ZSWIM6: variants seen among roughly 807,000 people sequenced by gnomAD.
ZSWIM6 encodes zinc finger SWIM-type containing 6.
Under a neutral mutation model 113.2 loss-of-function variants are expected in ZSWIM6, and 9 were observed. The ratio of observed to expected loss-of-function variants is 0.08; its 90% CI spans 0.05 to 0.14. ZSWIM6 has a LOEUF of 0.14. Ranked by LOEUF, ZSWIM6 falls within the 10% of genes least tolerant of loss-of-function variation. The pLI is 1.00. For synonymous variants in ZSWIM6, 611 were observed against 606.5 expected (o/e 1.01, Z -0.11); for missense variants, 1,162 against 1,552.2 (o/e 0.75, Z 4.22).
chr5:61,464,447 G>A (rs920464604), intron 1 of ZSWIM6, among the ~76,000 whole-genome samples: 5 of 151,954 alleles, frequency 3.3e-5, no homozygotes, highest in East Asian at 1.9e-4. Context: ...GTTCTACCAC[G>A]GCCTCTCCTA....
chr5:61,381,067 G>A (rs961852211), intron 1 of ZSWIM6, among the ~76,000 whole-genome samples: 1 of 151,554 alleles, frequency 6.6e-6, no homozygotes, highest in African/African-American at 2.4e-5. Flanking sequence ...TGGCCAACAC[G>A]TCGAAACCCT....
chr5:61,404,889 T>C lies in ZSWIM6; in HGVS notation c.677-67792T>C, dbSNP rs115828295. Among the ~76,000 whole-genome samples the C allele has an allele frequency of 2.1e-3, 316 of 152,338 alleles. 1 individual carries two copies. Among genetic ancestry groups the C allele is most frequent in the African/African-American group, 7.3e-3 (302 of 41,572 alleles). ...TCAGTCCTGAGAATCTGTGTATTTC[T>C]TGAGTTATGCAGGTAATTTTGATGC... On this transcript the variant is annotated intron_variant, in intron 1 of 13. Transcript: ENST00000252744.
At chr5:61,403,154 CAT>C (rs984875110) in intron 1 of ZSWIM6, among the ~76,000 whole-genome samples, 2 of 152,330 alleles carry the variant, frequency 1.3e-5, no homozygotes, top group East Asian at 1.9e-4. Flanking sequence ...ATTGAGGACA[CAT>C]GTCTTTGATA....
At chr5:61,454,483 T>C (rs1747157399) in intron 1 of ZSWIM6, among the ~76,000 whole-genome samples, 1 of 151,860 alleles carries the variant, frequency 6.6e-6, no homozygotes, top group South Asian at 2.1e-4. Flanking sequence ...CTTGAACTCC[T>C]GGGCTCAGGG....
At position 61,544,195 on chromosome 5, in the gene ZSWIM6, C is replaced by A. The variant is rs962224189; in HGVS notation, c.3526C>A (p.Arg1176=). The A allele has an allele frequency of 6.4e-7, 1 of 1,551,606 alleles. No individual in the cohort carries two copies. Among genetic ancestry groups the A allele is most frequent in the African/African-American group, 1.4e-5 (1 of 73,104 alleles). Residue 1176 remains arginine, a synonymous_variant, in exon 14 of 14, where the codon CGA becomes AGA. Coordinates refer to ENST00000252744, the MANE Select transcript of ZSWIM6 (RefSeq NM_020928.2). ...GTTTATAGAGTTCCTCAGCAAAGCC[C>A]GAGAGACCTTCTTAATGGCGCATGA... ...SEFIEFLSKA[R]ETFLMAHDGH... is the part of the protein sequence containing the mutation.
intron 1 of ZSWIM6, among the ~76,000 whole-genome samples, chr5:61,457,742 C>T (rs991526921): frequency 6.6e-6 from 1 of 152,006 alleles, no homozygotes. Flanking sequence ...AAGCTGGTCT[C>T]GAACTTCTGA....
chr5:61,436,787 T>C (rs1746716876), intron 1 of ZSWIM6, among the ~76,000 whole-genome samples: 1 of 152,190 alleles, frequency 6.6e-6, no homozygotes, highest in Non-Finnish European at 1.5e-5. Context: ...TGGTTCTTGC[T>C]CCTCAGAAAT....
chr5:61,544,423 G>T lies in ZSWIM6; in HGVS notation c.*106G>T. ...TAACTTAAAGAACAGAGCCACACCG[G>T]TATTATATGTGTATAGTTATATTGC... On this transcript the variant is annotated 3_prime_UTR_variant, in exon 14 of 14. Transcript: ENST00000252744. 1.4e-6 allele frequency: 1 copy of T among 713,070 alleles called. No individual in the cohort carries two copies. The highest frequency in any genetic ancestry group is 2.3e-6 in the Non-Finnish European group (1 of 434,060). The allele number at this position is 713,070 out of a possible 1,614,324, so 44.2% of individuals were successfully genotyped here.
chr5:61,461,740 T>G (rs964154855), intron 1 of ZSWIM6, among the ~76,000 whole-genome samples: 2 of 152,180 alleles, frequency 1.3e-5, no homozygotes, highest in African/African-American at 4.8e-5. Context: ...AAGCAGTTTT[T>G]TTTTCTTATA....
rs962960251 is a variant in ZSWIM6, at chr5:61,454,644, C to G, written c.677-18037C>G. Among the ~76,000 whole-genome samples the G allele has an allele frequency of 4.0e-5, 6 of 150,342 alleles. No individual in the cohort carries two copies. The South Asian group carries it at 6.3e-4, about 16-fold the overall frequency. On this transcript the variant is annotated intron_variant, in intron 1 of 13. Coordinates refer to ENST00000252744, the MANE Select transcript of ZSWIM6 (RefSeq NM_020928.2). ...AGCTGGAATGTGGAATGCAGTGGCG[C>G]GATCTTGGCTCACTGCAACCTCTGC...
At chr5:61,503,169 A>T (rs1318706337) in intron 4 of ZSWIM6, among the ~76,000 whole-genome samples, 1 of 152,176 alleles carries the variant, frequency 6.6e-6, no homozygotes, top group Non-Finnish European at 1.5e-5. Context: ...TATAAGAAAA[A>T]GACTCTGTAT....
At chr5:61,534,764 T>G (rs1749532339) in intron 9 of ZSWIM6, among the ~76,000 whole-genome samples, 1 of 152,176 alleles carries the variant, frequency 6.6e-6, no homozygotes, top group Non-Finnish European at 1.5e-5. Context: ...CTGTCAGAAT[T>G]TACTAAGAAA....
In ZSWIM6 at chr5:61,423,771, A is replaced by AATGG. The variant is rs1561231611; in HGVS notation, c.677-48908_677-48907insGGAT. Among the ~76,000 whole-genome samples the AATGG allele has an allele frequency of 5.3e-5, 8 of 152,334 alleles. No individual in the cohort carries two copies. The South Asian group carries it at 1.7e-3, about 32-fold the overall frequency. ...CCCAGAATCATAAAATGAAAGCAAG[A>AATGG]ATATTGGAAGCCAAAAAGACTTCTT... On this transcript the variant is annotated intron_variant, in intron 1 of 13. Transcript: ENST00000252744.
At chr5:61,340,656 A>C (rs909184286) in intron 1 of ZSWIM6, among the ~76,000 whole-genome samples, 2 of 152,222 alleles carry the variant, frequency 1.3e-5, no homozygotes, top group African/African-American at 4.8e-5. Flanking sequence ...TAAATTGTTT[A>C]GAGTGGCATA....
At chr5:61,368,606 TTTAAA>T (rs1364205875) in intron 1 of ZSWIM6, among the ~76,000 whole-genome samples, 1 of 152,252 alleles carries the variant, frequency 6.6e-6, no homozygotes, top group East Asian at 1.9e-4. Flanking sequence ...AGGCTTACCT[TTTAAA>T]TTATCAGTTT....
At chr5:61,473,920 A>G (rs1480549594) in intron 2 of ZSWIM6, among the ~76,000 whole-genome samples, 1 of 152,206 alleles carries the variant, frequency 6.6e-6, no homozygotes, top group East Asian at 1.9e-4. Flanking sequence ...GCAAATAAAA[A>G]TGTTTTCAGA....
chr5:61,429,112 G>A (rs577005733), intron 1 of ZSWIM6, among the ~76,000 whole-genome samples: 5 of 152,170 alleles, frequency 3.3e-5, no homozygotes, highest in Admixed American at 3.3e-4. Context: ...TCTGTGTGTT[G>A]GGGGGACAGT....
chr5:61,469,276 A>T (rs1747510730), intron 1 of ZSWIM6, among the ~76,000 whole-genome samples: 1 of 152,246 alleles, frequency 6.6e-6, no homozygotes, highest in South Asian at 2.1e-4. Context: ...CGGGCAGAGT[A>T]GAATTTGTGA....
intron 1 of ZSWIM6, among the ~76,000 whole-genome samples, chr5:61,468,543 T>C (rs1308442766): frequency 2.6e-5 from 4 of 152,240 alleles, no homozygotes; most frequent in Admixed American, 1.3e-4. Context: ...CTAACTATCC[T>C]AGAGGAAGAT....
Sources: gnomAD v4.1 joint callset for allele counts (sites outside exome capture counted in the v4.1 genomes callset) on GRCh38, gnomAD v4.1.1 for gene constraint, MANE v1.5 for transcripts, NCBI Gene and HGNC (gene_info 2026-07-23, HGNC 2026-07-21) for gene names.